The following PNPT1 variants were observed in gnomAD, a reference collection of about 807,000 sequenced individuals.
The protein encoded by PNPT1 is polyribonucleotide nucleotidyltransferase 1.
In PNPT1, 53 loss-of-function variants were observed where a neutral mutation model predicts 119.5. That is an observed-to-expected ratio of 0.44 (90% CI 0.36 to 0.56). The LOEUF (loss-of-function observed/expected upper bound fraction) is 0.56. PNPT1 is among the 20% of genes least tolerant of loss of function. The pLI is 0.00. For missense variants in PNPT1, 948 were observed against 938.5 expected (o/e 1.01, Z -0.13); for synonymous variants, 357 against 322.1 (o/e 1.11, Z -1.16).
At position 55,636,232 on chromosome 2, in the gene PNPT1, A is replaced by AG; in HGVS notation, c.*4_*5insC. ...GAATTCTAGAATTCTCTTTAAAAAA[A>AG]AAAATCACTGAGAATTAGATGATGA... On this transcript the variant is annotated 3_prime_UTR_variant, in exon 28 of 28. Coordinates refer to ENST00000447944, the MANE Select transcript of PNPT1 (RefSeq NM_033109.5). 6.2e-7 allele frequency: 1 copy of AG among 1,601,904 alleles called. No individual in the cohort carries two copies. Among genetic ancestry groups the AG allele is most frequent in the Non-Finnish European group, 8.5e-7 (1 of 1,173,438 alleles).
At chr2:55,684,650 A>G (rs1252508574) in intron 4 of PNPT1, among the ~76,000 whole-genome samples, 2 of 152,284 alleles carry the variant, frequency 1.3e-5, no homozygotes, top group Admixed American at 1.3e-4. Flanking sequence ...GGCATGGGCC[A>G]AAAAATTCAT....
rs151263128 is a variant in PNPT1, at chr2:55,687,769, T to C, written c.162-64A>G. 1.4e-5 allele frequency: 18 copies of C among 1,260,364 alleles called. No homozygotes were observed. In the East Asian group the frequency reaches 3.0e-4, roughly 21 times the overall value. The allele number at this position is 1,260,364 out of a possible 1,614,324, so 78.1% of individuals were successfully genotyped here. A position where few individuals can be genotyped will look rare whatever the true frequency, so the allele number is the denominator to read the frequency against. On this transcript the variant is annotated intron_variant, in intron 1 of 27. Coordinates refer to ENST00000447944, the MANE Select transcript of PNPT1 (RefSeq NM_033109.5). ...TCATCTGTACAATTCCTGCTTAGTA[T>C]AAAATAATAAAAGATTCTAAGGGAA...
chr2:55,683,601 A>G (rs1697311774), intron 5 of PNPT1, among the ~76,000 whole-genome samples, 184 bp downstream of exon 5: 1 of 146,042 alleles, frequency 6.8e-6, no homozygotes, highest in Non-Finnish European at 1.5e-5. Flanking sequence ...CGACAAAGTG[A>G]GACTCTGTCT....
At position 55,685,017 on chromosome 2, in the gene PNPT1, C is replaced by T. The variant is rs1697358008; in HGVS notation, c.329G>A (p.Gly110Asp). 6.3e-7 allele frequency: 1 copy of T among 1,595,746 alleles called. No homozygotes were observed. The highest frequency in any genetic ancestry group is 8.6e-7 in the Non-Finnish European group (1 of 1,167,698). Residue 110 changes from glycine (G) to aspartate (D), a missense_variant, in exon 4 of 28, where the codon GGT becomes GAT. Transcript: ENST00000447944. ...VDYRQKAAAA[G>D]RIPTNYLRRE... ...TCTCAGATAGTTTGTGGGAATTCTA[C>T]CTGCTGCAGCAGCTTTTTGTCTGTA...
chr2:55,644,016 G>T (rs1695915360), intron 23 of PNPT1, among the ~76,000 whole-genome samples: 1 of 152,112 alleles, frequency 6.6e-6, no homozygotes, highest in Non-Finnish European at 1.5e-5. Context: ...ACAAATTTTG[G>T]AGAGTCTGGT....
intron 8 of PNPT1, among the ~76,000 whole-genome samples, chr2:55,677,391 A>C (rs2627774): frequency 0.93 from 141,445 of 152,096 alleles, 66,310 homozygotes; most frequent in African/African-American, 0.96. Flanking sequence ...GCCAGGAATT[A>C]GAGACCAGCC....
At chr2:55,656,031 C>G in intron 17 of PNPT1, 100 bp downstream of exon 17, 3 of 1,424,554 alleles carry the variant, frequency 2.1e-6, no homozygotes, top group Non-Finnish European at 2.8e-6. Flanking sequence ...AACTTGGGTT[C>G]TGTAGTAATA....
rs375012187 is a variant in PNPT1 at position 55,685,082 on chromosome 2, C to A, written c.298-34G>T. 1.8e-5 allele frequency: 27 copies of A among 1,511,444 alleles called. No homozygotes were observed. In the African/African-American group the frequency reaches 2.2e-4, roughly 12 times the overall value. 93.6% of individuals were successfully genotyped at this position (1,511,444 alleles called of 1,614,324 possible). A position where few individuals can be genotyped will look rare whatever the true frequency, so the allele number is the denominator to read the frequency against. On this transcript the variant is annotated intron_variant, in intron 3 of 27. Transcript: ENST00000447944. ...GCAATAAAAAAAAGTTCATATAATT[C>A]TTTTTGCAGAAACAAACTATACTGT...
intron 17 of PNPT1, among the ~76,000 whole-genome samples, chr2:55,655,791 A>G (rs1230865042): frequency 6.6e-6 from 1 of 152,164 alleles, no homozygotes; most frequent in African/African-American, 2.4e-5. Flanking sequence ...ATTCATGTGG[A>G]TATGTGACAG....
intron 14 of PNPT1, among the ~76,000 whole-genome samples, chr2:55,661,166 C>T (rs1253355182): frequency 1.4e-5 from 2 of 139,308 alleles, no homozygotes; most frequent in Non-Finnish European, 3.0e-5. Context: ...GGTGTGATCT[C>T]ACTGCAACCT....
chr2:55,690,632 C>T (rs1697566876), intron 1 of PNPT1, among the ~76,000 whole-genome samples: 1 of 152,106 alleles, frequency 6.6e-6, no homozygotes, highest in South Asian at 2.1e-4. Context: ...AAAGTATGTA[C>T]ATTTAATATA....
At chr2:55,661,559 T>A (rs750021882) in intron 14 of PNPT1, among the ~76,000 whole-genome samples, 4 of 152,182 alleles carry the variant, frequency 2.6e-5, no homozygotes, top group Non-Finnish European at 5.9e-5. Flanking sequence ...CGACAAGGCT[T>A]TTCATTAACG....
chr2:55,693,123 A>T (rs899061307), intron 1 of PNPT1, among the ~76,000 whole-genome samples: 3 of 151,962 alleles, frequency 2.0e-5, no homozygotes, highest in Admixed American at 6.6e-5. Flanking sequence ...ATATTTCCAC[A>T]ATGTCTGTGA....
intron 18 of PNPT1, among the ~76,000 whole-genome samples, chr2:55,652,225 C>T (rs371588863): frequency 2.4e-4 from 37 of 152,252 alleles, no homozygotes; most frequent in African/African-American, 8.4e-4. Context: ...GTACAATTTG[C>T]ATCCCTGGGG....
At position 55,637,548 on chromosome 2, in the gene PNPT1, A is replaced by C. The variant is rs1224724514; in HGVS notation, c.2196+4T>G. On this transcript the variant is annotated splice_donor_region_variant and intron_variant, in intron 27 of 27. Coordinates refer to ENST00000447944, the MANE Select transcript of PNPT1 (RefSeq NM_033109.5). ...TTCAAGGCTAAAAGGTGGAATACAAATACCTGAATTTCTTGGCCAACTTCT... is the reference window on the plus strand; with the variant it reads ...TTCAAGGCTAAAAGGTGGAATACAACTACCTGAATTTCTTGGCCAACTTCT... 6.3e-7 allele frequency: 1 copy of C among 1,596,674 alleles called. No homozygotes were observed. The highest frequency in any genetic ancestry group is 8.6e-7 in the Non-Finnish European group (1 of 1,164,388).
chr2:55,673,052 A>C lies in PNPT1; in HGVS notation c.707T>G (p.Ile236Ser). 6.2e-7 allele frequency: 1 copy of C among 1,610,808 alleles called. No individual in the cohort carries two copies. Among genetic ancestry groups the C allele is most frequent in the South Asian group, 1.1e-5 (1 of 90,586 alleles). The change falls in exon 9 of 28, where the codon ATT (isoleucine) becomes AGT (serine). Residue 236 changes from isoleucine to serine, a missense_variant. Coordinates refer to ENST00000447944, the MANE Select transcript of PNPT1 (RefSeq NM_033109.5). Reference sequence around the variant, plus strand: ...AGCATGGCAAAAGTCCTGCTGTAAAATGTTCTCTGCAGAGGCTTCCAACAT... The same window carrying C: ...AGCATGGCAAAAGTCCTGCTGTAAACTGTTCTCTGCAGAGGCTTCCAACAT... ...IVMLEASAEN[I>S]LQQDFCHAIK...
chr2:55,684,401 T>C (rs1697334672), intron 4 of PNPT1, among the ~76,000 whole-genome samples: 1 of 152,048 alleles, frequency 6.6e-6, no homozygotes, highest in African/African-American at 2.4e-5. Flanking sequence ...GAGGTAGAGG[T>C]TGCAGTGAGC....
chr2:55,674,974 T>C (rs1199823369), intron 8 of PNPT1, among the ~76,000 whole-genome samples: 2 of 152,192 alleles, frequency 1.3e-5, no homozygotes, highest in African/African-American at 4.8e-5. Context: ...AAAAATAAAA[T>C]ATGTGGCCAG....
chr2:55,667,918 G>A lies in PNPT1; in HGVS notation c.1017C>T (p.Ser339=). ...AAACTTCCTTTGCAACAACATTGAA[G>A]GATTCTATTATTTCATATGGATCGG... is the stretch of plus-strand genomic sequence containing the variant. ...PEADPYEIIE[S]FNVVAKEVFR... is the part of the protein sequence containing the mutation. The change falls in exon 12 of 28, where the codon TCC becomes TCT. Residue 339 remains serine, a synonymous_variant. Coordinates refer to ENST00000447944, the MANE Select transcript of PNPT1 (RefSeq NM_033109.5). The A allele has an allele frequency of 6.3e-7, 1 of 1,581,296 alleles. No homozygotes were observed.
Sources: gnomAD v4.1 joint callset for allele counts (sites outside exome capture counted in the v4.1 genomes callset) on GRCh38, gnomAD v4.1.1 for gene constraint, MANE v1.5 for transcripts, NCBI Gene and HGNC (gene_info 2026-07-23, HGNC 2026-07-21) for gene names.